Variants in MARCHF1 observed in about 807,000 individuals in gnomAD.
MARCHF1 encodes the protein membrane associated ring-CH-type finger 1.
A neutral mutation model predicts 54.2 loss-of-function variants in MARCHF1; 40 were observed. The ratio of observed to expected loss-of-function variants is 0.74; its 90% confidence interval spans 0.57 to 0.96. The LOEUF is 0.96. MARCHF1 is among the 40% of genes least tolerant of loss of function. The pLI, the probability that MARCHF1 is intolerant of heterozygous loss-of-function variation, is 0.00. For synonymous variants in MARCHF1, 236 were observed against 236.3 expected (o/e 1.00, Z 0.01); for missense variants, 586 against 656.5 (o/e 0.89, Z 1.17).
At chr4:164,340,435 A>ATATATATATATG (rs1729888427) in intron 1 of MARCHF1, among the ~76,000 whole-genome samples, 2 of 136,386 alleles carry the variant, frequency 1.5e-5, no homozygotes, top group South Asian at 4.7e-4. Context: ...ATATATATAT[A>ATATATATATATG]GTTTGTTTGT....
chr4:164,248,146 A>G (rs995789523), intron 1 of MARCHF1, among the ~76,000 whole-genome samples: 1 of 152,024 alleles, frequency 6.6e-6, no homozygotes, highest in Non-Finnish European at 1.5e-5. Flanking sequence ...TCCTCCATGT[A>G]TCAAATTGCA....
intron 7 of MARCHF1, among the ~76,000 whole-genome samples, chr4:163,592,785 C>G (rs1482359142): frequency 6.6e-6 from 1 of 152,058 alleles, no homozygotes; most frequent in Non-Finnish European, 1.5e-5. Flanking sequence ...CTATTATCAT[C>G]TAGCCTAGTG....
chr4:164,082,060 TTAG>T (rs1203436655), intron 2 of MARCHF1, among the ~76,000 whole-genome samples: 2 of 152,212 alleles, frequency 1.3e-5, no homozygotes, highest in Non-Finnish European at 2.9e-5. Context: ...TACTCATGTA[TTAG>T]TGTTTTCCAA....
intron 3 of MARCHF1, 49 bp downstream of exon 3, chr4:163,988,452 G>C (rs976960213): frequency 6.6e-6 from 1 of 152,234 alleles, no homozygotes; most frequent in Non-Finnish European, 1.5e-5. Context: ...AGCAGTGTTG[G>C]CAACAGTGGC....
At chr4:163,992,315 A>C (rs1055364427) in intron 2 of MARCHF1, among the ~76,000 whole-genome samples, 3 of 152,156 alleles carry the variant, frequency 2.0e-5, no homozygotes, top group African/African-American at 7.2e-5. Context: ...GTAATCAAAG[A>C]GTTCGTTGTA....
At chr4:163,953,324 G>A (rs914148052) in intron 3 of MARCHF1, among the ~76,000 whole-genome samples, 5 of 152,086 alleles carry the variant, frequency 3.3e-5, no homozygotes, top group African/African-American at 1.2e-4. Context: ...CCACTTTCTT[G>A]CTGTATGACT....
intron 4 of MARCHF1, among the ~76,000 whole-genome samples, chr4:163,835,778 C>T (rs1749163562): frequency 6.6e-6 from 1 of 152,136 alleles, no homozygotes; most frequent in African/African-American, 2.4e-5. Flanking sequence ...TTTGGCTATA[C>T]ATATATCAAT....
rs3080960 is a variant in MARCHF1 at position 163,528,584 on chromosome 4, C to CTGTTTGTT, written c.*156_*163dup. The CTGTTTGTT allele has an allele frequency of 1.5e-6, 1 of 649,634 alleles. No individual in the cohort carries two copies. Among genetic ancestry groups the CTGTTTGTT allele is most frequent in the Non-Finnish European group, 2.6e-6 (1 of 387,420 alleles). 40.2% of individuals were successfully genotyped at this position (649,634 alleles called of 1,614,324 possible). A position where few individuals can be genotyped will look rare whatever the true frequency, so the allele number is the denominator to read the frequency against. On this transcript the variant is annotated 3_prime_UTR_variant, in exon 10 of 10. Transcript: ENST00000514618. The stretch of plus-strand genomic sequence containing the variant: ...CTTCATGGGCTCCTGGGCATTTGGT[C>CTGTTTGTT]TGTTTGTTTTTCTCCTTTCCTCTTT...
chr4:164,200,540 TTCTG>T (rs567745896), intron 1 of MARCHF1, among the ~76,000 whole-genome samples: 267 of 152,330 alleles, frequency 1.8e-3, no homozygotes, highest in African/African-American at 6.2e-3. Flanking sequence ...TACCATGGCC[TTCTG>T]TCTAACACAC....
chr4:163,564,711 A>G lies in MARCHF1; in HGVS notation c.1192-18968T>C, dbSNP rs188715066. 4.1e-3 allele frequency among the ~76,000 whole-genome samples: 620 copies of G among 152,344 alleles called. 6 individuals carry two copies. The highest frequency in any genetic ancestry group is 0.021 in the Middle Eastern group (6 of 292). On this transcript the variant is annotated intron_variant, in intron 8 of 9. Transcript: ENST00000514618. The stretch of plus-strand genomic sequence containing the variant: ...AGGTGCATTGCCAGGATTAGGTTTT[A>G]AAAAGCTCTTTCAATCTTCAAACTT...
intron 1 of MARCHF1, among the ~76,000 whole-genome samples, chr4:164,187,226 GAGT>G (rs1295552489): frequency 6.6e-6 from 1 of 150,778 alleles, no homozygotes; most frequent in Non-Finnish European, 1.5e-5. Context: ...TGGGGACAGG[GAGT>G]AGATTTGCTT....
chr4:164,273,466 A>T (rs1243322717), intron 1 of MARCHF1, among the ~76,000 whole-genome samples: 1 of 152,170 alleles, frequency 6.6e-6, no homozygotes, highest in Non-Finnish European at 1.5e-5. Flanking sequence ...ACAAAGCCTA[A>T]CCATATCAGT....
At chr4:163,801,046 A>C (rs897049937) in intron 4 of MARCHF1, among the ~76,000 whole-genome samples, 4 of 152,122 alleles carry the variant, frequency 2.6e-5, no homozygotes, top group Admixed American at 2.6e-4. Flanking sequence ...AAATCTGTTC[A>C]TGTCTATAAC....
intron 2 of MARCHF1, among the ~76,000 whole-genome samples, chr4:164,081,218 A>AC (rs1434575204): frequency 5.9e-5 from 8 of 134,700 alleles, no homozygotes; most frequent in African/African-American, 2.5e-4. Flanking sequence ...AAAAAAAAAA[A>AC]AAAAAAAAAA....
chr4:163,956,556 A>C (rs1041656133), intron 3 of MARCHF1, among the ~76,000 whole-genome samples: 2 of 152,098 alleles, frequency 1.3e-5, no homozygotes, highest in Non-Finnish European at 2.9e-5. Flanking sequence ...TAAAGATGAT[A>C]CCAGGTGGAA....
chr4:163,804,550 G>A lies in MARCHF1; in HGVS notation c.111+49471C>T, dbSNP rs114867104. Among the ~76,000 whole-genome samples the A allele has an allele frequency of 2.7e-3, 407 of 152,128 alleles. 4 individuals are homozygous for A. Among genetic ancestry groups the A allele is most frequent in the Middle Eastern group, 0.01 (3 of 294 alleles). On this transcript the variant is annotated intron_variant, in intron 4 of 9. Coordinates refer to ENST00000514618, the MANE Select transcript of MARCHF1 (RefSeq NM_001394959.1). ...GAAAATATCTGGAAGAAGACTCAGT[G>A]GTCTATAAGTAAACTCTATATTAAG...
chr4:163,678,686 G>A (rs1443934555), intron 5 of MARCHF1, among the ~76,000 whole-genome samples: 1 of 152,192 alleles, frequency 6.6e-6, no homozygotes, highest in Admixed American at 6.5e-5. Flanking sequence ...TTCATTGCCT[G>A]TGTCTCTTTG....
In MARCHF1 at chr4:163,894,597, C is replaced by CATATATAT. The variant is rs1339597017; in HGVS notation, c.-38-40429_-38-40428insATATATAT. On this transcript the variant is annotated intron_variant, in intron 3 of 9. Transcript: ENST00000514618. ...TGCATGTGATGCATATATATATATG[C>CATATATAT]ATGTGATGCATATATATATATGCAT... 4.9e-4 allele frequency among the ~76,000 whole-genome samples: 60 copies of CATATATAT among 123,426 alleles called. 5 individuals carry two copies. Among genetic ancestry groups the CATATATAT allele is most frequent in the African/African-American group, 1.5e-3 (39 of 25,996 alleles). The allele number at this position is 123,426 out of a possible 152,430, so 81.0% of individuals were successfully genotyped here.
At chr4:163,574,207 A>C (rs1337351355) in intron 8 of MARCHF1, among the ~76,000 whole-genome samples, 1 of 151,890 alleles carries the variant, frequency 6.6e-6, no homozygotes, top group African/African-American at 2.4e-5. Context: ...TAGATTCTGG[A>C]TATTAGCCCT....
Sources: allele counts gnomAD v4.1 joint callset (sites outside exome capture counted in the v4.1 genomes callset), GRCh38; gene constraint gnomAD v4.1.1; transcripts MANE v1.5; gene names NCBI Gene and HGNC (gene_info 2026-07-23, HGNC 2026-07-21).